The following IKBKE variants were observed in gnomAD, a reference collection of about 807,000 sequenced individuals.
The protein encoded by IKBKE is inhibitor of nuclear factor kappa B kinase subunit epsilon.
Under a neutral mutation model 92.1 loss-of-function variants are expected in IKBKE, and 45 were observed. The observed-to-expected ratio is 0.49, with a 90% CI of 0.38 to 0.63. IKBKE has a LOEUF of 0.63. Among genes scored for constraint, IKBKE ranks in the 20% least tolerant of loss-of-function variants. The pLI is 0.00. For missense variants in IKBKE, 700 were observed against 932.8 expected (o/e 0.75, Z 3.25); for synonymous variants, 374 against 380.3 (o/e 0.98, Z 0.19).
chr1:206,475,283 C>G, intron 5 of IKBKE: 2 of 473,278 alleles, frequency 4.2e-6, no homozygotes, highest in Non-Finnish European at 3.7e-6. Flanking sequence ...CATGGATGGA[C>G]CTTGATGACA....
Position 206,474,879 on chromosome 1 carries a change from G to T in IKBKE, c.243G>T (p.Gln81His). The change falls in exon 5 of 22, where the codon CAG becomes CAT. Residue 81 changes from glutamine (Q) to histidine (H), a missense_variant. Physicochemically the swap from Gln to His is conservative, Grantham distance 24. Coordinates refer to ENST00000581977, the MANE Select transcript of IKBKE (RefSeq NM_014002.4). ...FAVEETGGSRQKVLVMEYCSS... is the reference protein window; with the variant it reads ...FAVEETGGSRHKVLVMEYCSS... ...CCCACCCATAGGGCGGAAGCCGGCAGAAGGTACTGGTGATGGAGTACTGCT... is the reference window on the plus strand; with the variant it reads ...CCCACCCATAGGGCGGAAGCCGGCATAAGGTACTGGTGATGGAGTACTGCT... The T allele has an allele frequency of 1.2e-6, 2 of 1,614,090 alleles. No individual in the cohort carries two copies. Among genetic ancestry groups the T allele is most frequent in the Admixed American group, 1.7e-5 (1 of 60,020 alleles).
At position 206,473,311 on chromosome 1, in the gene IKBKE, C is replaced by T; in HGVS notation, c.84C>T (p.Asn28=). Residue 28 remains asparagine, a synonymous_variant, in exon 3 of 22, where the codon AAC becomes AAT. Transcript: ENST00000581977. The part of the protein sequence containing the change: ...GATASVYKAR[N]KKSGELVAVK... ...CTGCCAGTGTGTACAAGGCCCGCAA[C>T]AAGGTAGGAAGCAACCCTGGCCAGG... 1 of 1,611,268 alleles carries T rather than the reference C, an allele frequency of 6.2e-7. No individual in the cohort carries two copies. The highest frequency in any genetic ancestry group is 8.5e-7 in the Non-Finnish European group (1 of 1,178,532).
rs1327664903 is a variant in IKBKE, at chr1:206,496,397, G to A, written c.*252G>A. 8 of 534,246 alleles carry A rather than the reference G, an allele frequency of 1.5e-5. No homozygotes were observed. In the East Asian group the frequency reaches 2.5e-4, roughly 16 times the overall value. The allele number at this position is 534,246 out of a possible 1,614,324, so 33.1% of individuals were successfully genotyped here. On this transcript the variant is annotated 3_prime_UTR_variant, in exon 22 of 22. Coordinates refer to ENST00000581977, the MANE Select transcript of IKBKE (RefSeq NM_014002.4). ...AGAGTGTGGCAGCAACTGCCTGGCT[G>A]ACCTTTCTATCTTCTCTAGGCTCAG...
chr1:206,478,384 C>A lies in IKBKE; in HGVS notation c.992+45C>A, dbSNP rs2103459906. On this transcript the variant is annotated intron_variant, in intron 9 of 21. Coordinates refer to ENST00000581977, the MANE Select transcript of IKBKE (RefSeq NM_014002.4). This position sits in a 1 kb window ranked among gnomAD's most constrained non-coding sequence, Gnocchi z 4.8. ...GGAAGCGGTGAGAACCTTCTCTACC[C>A]AAGCAGCAGTGCATGTCCAAAGCAG... 1 of 1,578,534 alleles carries A rather than the reference C, an allele frequency of 6.3e-7. No individual in the cohort carries two copies. The highest frequency in any genetic ancestry group is 8.6e-7 in the Non-Finnish European group (1 of 1,157,306).
rs2103453783 is a variant in IKBKE, at chr1:206,476,070, T to C, written c.359-111T>C. On this transcript the variant is annotated intron_variant, in intron 5 of 21. Coordinates refer to ENST00000581977, the MANE Select transcript of IKBKE (RefSeq NM_014002.4). The surrounding 1 kb of genome is among the most constrained non-coding windows in gnomAD (Gnocchi z 5.1). ...CCTGTCCCATGGCTCTGTCAGCCCA[T>C]GGGAACTCCTGTCTCTCTGGATGCA... 1.0e-6 allele frequency: 1 copy of C among 1,002,152 alleles called. No individual in the cohort carries two copies. Among genetic ancestry groups the C allele is most frequent in the Non-Finnish European group, 1.5e-6 (1 of 658,950 alleles). The allele number at this position is 1,002,152 out of a possible 1,614,324, so 62.1% of individuals were successfully genotyped here.
Position 206,479,066 on chromosome 1 carries a change from C to CACG in IKBKE, c.1120_1122dup (p.Thr374dup). 6.2e-7 allele frequency: 1 copy of CACG among 1,614,008 alleles called. No homozygotes were observed. ...GCGTCTCAGCACAGCACATCGCCCA[C>CACG]ACGACGGCAAGCAGCCCCCTGACCC... is the stretch of plus-strand genomic sequence containing the variant. On this transcript the variant is annotated inframe_insertion, in exon 10 of 22. Coordinates refer to ENST00000581977, the MANE Select transcript of IKBKE (RefSeq NM_014002.4).
intron 18 of IKBKE, chr1:206,492,358 G>T (rs79808398): frequency 6.9e-6 from 3 of 433,892 alleles, no homozygotes; most frequent in South Asian, 1.7e-5. Context: ...AATTTCCCAC[G>T]TGCTACCACA....
intron 3 of IKBKE, among the ~76,000 whole-genome samples, 174 bp from the exon 4 acceptor site, chr1:206,474,157 C>A (rs781889459): frequency 5.3e-5 from 8 of 152,056 alleles, no homozygotes; most frequent in Non-Finnish European, 8.8e-5. Flanking sequence ...ACTCTCTACC[C>A]CTTGAGAGGG....
intron 20 of IKBKE, 33 bp downstream of exon 20, chr1:206,493,411 G>T: frequency 6.7e-7 from 1 of 1,489,198 alleles, no homozygotes; most frequent in Non-Finnish European, 9.4e-7. Context: ...TTGTGTATCT[G>T]TGTGGAAGGG....
Position 206,485,298 on chromosome 1 carries a change from G to A in IKBKE, c.1608G>A (p.Glu536=), listed in dbSNP as rs940993660. The change falls in exon 15 of 22, where the codon GAG becomes GAA. Residue 536 remains glutamate (E), a synonymous_variant. Transcript: ENST00000581977. This position sits in a 1 kb window ranked among gnomAD's most constrained non-coding sequence, Gnocchi z 5.0. The stretch of plus-strand genomic sequence containing the variant: ...TGAAGAGCCGGGATCAGGTACATGA[G>A]GACAGAAGGTCTGTGGGATTTTCCT... ...ELVKSRDQVH[E]DRSIQQIQCC... 1.9e-6 allele frequency: 3 copies of A among 1,601,938 alleles called. No homozygotes were observed. The highest frequency in any genetic ancestry group is 3.3e-5 in the Admixed American group (2 of 60,004).
At position 206,479,203 on chromosome 1, in the gene IKBKE, C is replaced by G. The variant is rs1285223132; in HGVS notation, c.1183+70C>G. On this transcript the variant is annotated intron_variant, in intron 10 of 21. Coordinates refer to ENST00000581977, the MANE Select transcript of IKBKE (RefSeq NM_014002.4). ...TCCTCTGAGACAGGAGTTTGCAATCCAGGCCATTGGTTACTTTTCTTTGTG... is the reference window on the plus strand; with the variant it reads ...TCCTCTGAGACAGGAGTTTGCAATCGAGGCCATTGGTTACTTTTCTTTGTG... The G allele has an allele frequency of 1.2e-5, 15 of 1,283,572 alleles. No individual in the cohort carries two copies. The Admixed American group carries it at 3.6e-4, about 31-fold the overall frequency. 79.5% of individuals were successfully genotyped at this position (1,283,572 alleles called of 1,614,324 possible). A position where few individuals can be genotyped will look rare whatever the true frequency, so the allele number is the denominator to read the frequency against.
rs1553386065 is a variant in IKBKE at position 206,478,337 on chromosome 1, C to T, written c.990C>T (p.Asn330=). 1 of 1,612,668 alleles carries T rather than the reference C, an allele frequency of 6.2e-7. No homozygotes were observed. Among genetic ancestry groups the T allele is most frequent in the Non-Finnish European group, 8.5e-7 (1 of 1,179,848 alleles). ...ACCACATCTATATCCATGCCCACAACACGTAAGTGGGGGCGAGGGAGGGAA... is the reference window on the plus strand; with the variant it reads ...ACCACATCTATATCCATGCCCACAATACGTAAGTGGGGGCGAGGGAGGGAA... ...VLHHIYIHAH[N]TIAIFQEAVH... Residue 330 remains asparagine, a splice_region_variant and synonymous_variant, in exon 9 of 22, where the codon AAC becomes AAT. Coordinates refer to ENST00000581977, the MANE Select transcript of IKBKE (RefSeq NM_014002.4). This position sits in a 1 kb window ranked among gnomAD's most constrained non-coding sequence, Gnocchi z 4.8.
At position 206,478,987 on chromosome 1, in the gene IKBKE, C is replaced by G; in HGVS notation, c.1037C>G (p.Ala346Gly). The change falls in exon 10 of 22, where the codon GCC becomes GGC. Residue 346 changes from alanine (A) to glycine (G), a missense_variant. Transcript: ENST00000581977. This position sits in a 1 kb window ranked among gnomAD's most constrained non-coding sequence, Gnocchi z 4.8. Reference protein sequence around the residue: ...QEAVHKQTSVAPRHQEYLFEG... With the variant: ...QEAVHKQTSVGPRHQEYLFEG... Reference sequence around the variant, plus strand: ...GCCGTGCACAAGCAGACCAGTGTGGCCCCCCGACACCAGGAGTACCTCTTT... The same window carrying G: ...GCCGTGCACAAGCAGACCAGTGTGGGCCCCCGACACCAGGAGTACCTCTTT... 9 of 1,614,016 alleles carry G rather than the reference C, an allele frequency of 5.6e-6. No homozygotes were observed. Among genetic ancestry groups the G allele is most frequent in the East Asian group, 4.5e-5 (2 of 44,878 alleles).
In IKBKE at chr1:206,478,097, C is replaced by T; in HGVS notation, c.813-63C>T. ...ATATTCTCTTAGAACGCTCCTATTGCCTGCTTAAGGAGGATAGGTCTGGGC... is the reference window on the plus strand; with the variant it reads ...ATATTCTCTTAGAACGCTCCTATTGTCTGCTTAAGGAGGATAGGTCTGGGC... On this transcript the variant is annotated intron_variant, in intron 8 of 21. Transcript: ENST00000581977. This position sits in a 1 kb window ranked among gnomAD's most constrained non-coding sequence, Gnocchi z 4.8. 2 of 1,414,572 alleles carry T rather than the reference C, an allele frequency of 1.4e-6. No individual in the cohort carries two copies. Among genetic ancestry groups the T allele is most frequent in the East Asian group, 2.4e-5 (1 of 42,106 alleles). The allele number at this position is 1,414,572 out of a possible 1,614,324, so 87.6% of individuals were successfully genotyped here. A position where few individuals can be genotyped will look rare whatever the true frequency, so the allele number is the denominator to read the frequency against.
chr1:206,488,078 C>A, intron 16 of IKBKE, 88 bp downstream of exon 16: 10 of 967,322 alleles, frequency 1.0e-5, no homozygotes, highest in Non-Finnish European at 1.5e-5. Context: ...TACCAGTGGC[C>A]ACTAACCTCC....
rs2103461167 is a variant in IKBKE, at chr1:206,479,054, G to A, written c.1104G>A (p.Gln368=). 1 of 1,614,024 alleles carries A rather than the reference G, an allele frequency of 6.2e-7. No homozygotes were observed. The highest frequency in any genetic ancestry group is 1.1e-5 in the South Asian group (1 of 91,082). The change falls in exon 10 of 22, where the codon CAG becomes CAA. Residue 368 remains glutamine (Q), a synonymous_variant. Transcript: ENST00000581977. ...TCCTCGAGCCCAGCGTCTCAGCACA[G>A]CACATCGCCCACACGACGGCAAGCA... The part of the protein sequence containing the change: ...LCVLEPSVSA[Q]HIAHTTASSP...
rs2103472332 is a variant in IKBKE, at chr1:206,485,220, C to T, written c.1530C>T (p.Ser510=). The change falls in exon 15 of 22, where the codon TCC becomes TCT. Residue 510 remains serine (S), a synonymous_variant. Transcript: ENST00000581977. The surrounding 1 kb of genome is among the most constrained non-coding windows in gnomAD (Gnocchi z 5.0). ...RTLAEVLSRC[S]QNITETQESL... ...TAGCGGAGGTCCTCTCCAGATGCTC[C>T]CAAAATATCACGGAGACCCAGGAGA... is the stretch of plus-strand genomic sequence containing the variant. The T allele has an allele frequency of 6.2e-7, 1 of 1,613,952 alleles. No individual in the cohort carries two copies. The highest frequency in any genetic ancestry group is 8.5e-7 in the Non-Finnish European group (1 of 1,179,834).
intron 5 of IKBKE, among the ~76,000 whole-genome samples, chr1:206,475,742 A>C (rs374022032): frequency 5.9e-5 from 9 of 151,968 alleles, no homozygotes; most frequent in Non-Finnish European, 1.2e-4. Flanking sequence ...GTCTCCAAAA[A>C]AAAAAAAAAA....
chr1:206,478,070 G>A lies in IKBKE; in HGVS notation c.813-90G>A, dbSNP rs1665167594. The A allele has an allele frequency of 9.5e-7, 1 of 1,052,336 alleles. No individual in the cohort carries two copies. The highest frequency in any genetic ancestry group is 1.6e-5 in the African/African-American group (1 of 63,598). 65.2% of individuals were successfully genotyped at this position (1,052,336 alleles called of 1,614,324 possible). A position where few individuals can be genotyped will look rare whatever the true frequency, so the allele number is the denominator to read the frequency against. On this transcript the variant is annotated intron_variant, in intron 8 of 21. Coordinates refer to ENST00000581977, the MANE Select transcript of IKBKE (RefSeq NM_014002.4). The surrounding 1 kb of genome is among the most constrained non-coding windows in gnomAD (Gnocchi z 4.8). Reference sequence around the variant, plus strand: ...CCACCATCTTGGTCCTAGCTCTTCAGGATATTCTCTTAGAACGCTCCTATT... The same window carrying A: ...CCACCATCTTGGTCCTAGCTCTTCAAGATATTCTCTTAGAACGCTCCTATT...
Sources: gnomAD v4.1 joint callset for allele counts (sites outside exome capture counted in the v4.1 genomes callset) on GRCh38, gnomAD v4.1.1 for gene constraint, Gnocchi (gnomAD v3.1) non-coding constraint, MANE v1.5 for transcripts, NCBI Gene and HGNC (gene_info 2026-07-23, HGNC 2026-07-21) for gene names.